Variants in DNAI3 observed in about 807,000 individuals in gnomAD.
DNAI3 encodes WD repeat domain 63.
Under a neutral mutation model 115.5 loss-of-function variants are expected in DNAI3, and 83 were observed. The observed-to-expected ratio is 0.72, with a 90% confidence interval of 0.60 to 0.86. The LOEUF (loss-of-function observed/expected upper bound fraction) is 0.86, where lower values mean the gene tolerates loss of function less well. DNAI3 is among the 40% of genes least tolerant of loss of function. The pLI, the probability that DNAI3 is intolerant of heterozygous loss-of-function variation, is 0.00. For synonymous variants in DNAI3, 320 were observed against 347.0 expected, an observed-to-expected ratio of 0.92 and a Z score of 0.86; for missense variants, 1,004 against 1,075.8, an observed-to-expected ratio of 0.93 and a Z score of 0.93.
chr1:85,097,374 A>G (rs1655154845), intron 11 of DNAI3, among the ~76,000 whole-genome samples, 195 bp from the exon 12 acceptor site: 1 of 152,222 alleles, frequency 6.6e-6, no homozygotes, highest in Non-Finnish European at 1.5e-5. Flanking sequence ...AAAGTGCTAA[A>G]GATACTTTTA....
Position 85,108,067 on chromosome 1 carries a change from C to G in DNAI3, c.1588C>G (p.Pro530Ala). 6.2e-7 allele frequency: 1 copy of G among 1,606,662 alleles called. No homozygotes were observed. Among genetic ancestry groups the G allele is most frequent in the Non-Finnish European group, 8.5e-7 (1 of 1,177,138 alleles). Residue 530 changes from proline to alanine, a missense_variant, in exon 15 of 23, where the codon CCT becomes GCT. Physicochemically the swap from Pro to Ala is conservative, Grantham distance 27. Transcript: ENST00000294664. ...ICFWDIRPQKPLTPQTTEKKK... is the reference protein window; with the variant it reads ...ICFWDIRPQKALTPQTTEKKK... ...TTTTTGGGATATTAGACCACAGAAA[C>G]CTTTAACCCCCCAAACAACAGAGAA...
chr1:85,124,990 G>A (rs1272163008), intron 19 of DNAI3, among the ~76,000 whole-genome samples: 1 of 152,184 alleles, frequency 6.6e-6, no homozygotes, highest in Non-Finnish European at 1.5e-5. Context: ...TATGTCAGCA[G>A]GCAGACCCTT....
At chr1:85,104,643 G>A in intron 14 of DNAI3, 46 bp downstream of exon 14, 1 of 1,544,378 alleles carries the variant, frequency 6.5e-7, no homozygotes, top group Middle Eastern at 1.7e-4. Flanking sequence ...CATACATGGT[G>A]TTTTTTCTTC....
intron 7 of DNAI3, among the ~76,000 whole-genome samples, chr1:85,086,299 G>A (rs1654799477): frequency 6.6e-6 from 1 of 152,154 alleles, no homozygotes; most frequent in Admixed American, 6.6e-5. Context: ...GACAGTGCTG[G>A]TCATCTCTCA....
intron 8 of DNAI3, among the ~76,000 whole-genome samples, chr1:85,092,347 G>A (rs1377543804): frequency 1.3e-5 from 2 of 152,078 alleles, no homozygotes; most frequent in Non-Finnish European, 2.9e-5. Context: ...TTATATTTTA[G>A]GAGTATCTGT....
intron 1 of DNAI3, among the ~76,000 whole-genome samples, chr1:85,063,050 C>T (rs865808399): frequency 3.3e-5 from 5 of 152,144 alleles, no homozygotes; most frequent in South Asian, 2.1e-4. Flanking sequence ...CTAATTGCTG[C>T]GCAATACTTT....
intron 1 of DNAI3, among the ~76,000 whole-genome samples, chr1:85,071,219 C>A (rs1654263067): frequency 6.6e-6 from 1 of 152,176 alleles, no homozygotes; most frequent in Non-Finnish European, 1.5e-5. Flanking sequence ...GAAGTAGAGC[C>A]TGTTTAAAAA....
chr1:85,087,434 CAAAAAAAAAAAAA>C (rs1162431713), intron 7 of DNAI3, among the ~76,000 whole-genome samples: 3 of 46,654 alleles, frequency 6.4e-5, no homozygotes, highest in African/African-American at 8.6e-5. Flanking sequence ...GACTCCATCT[CAAAAAAAAAAAAA>C]AAAAAAAAAA....
chr1:85,123,691 T>G (rs1656050984), intron 18 of DNAI3, among the ~76,000 whole-genome samples: 1 of 152,246 alleles, frequency 6.6e-6, no homozygotes. Context: ...TCACAATTTT[T>G]ACATTGTATA....
chr1:85,125,364 T>C (rs1656102072), intron 19 of DNAI3, among the ~76,000 whole-genome samples: 1 of 152,038 alleles, frequency 6.6e-6, no homozygotes, highest in African/African-American at 2.4e-5. Flanking sequence ...TTGGTATACA[T>C]ATATACATAT....
In DNAI3 at chr1:85,093,580, C is replaced by T. The variant is rs1655043186; in HGVS notation, c.980C>T (p.Ser327Phe). 6.2e-7 allele frequency: 1 copy of T among 1,614,052 alleles called. No homozygotes were observed. Among genetic ancestry groups the T allele is most frequent in the Non-Finnish European group, 8.5e-7 (1 of 1,180,030 alleles). ...KTDTHLKEYQ[S>F]FTDLHSPTEK... The stretch of plus-strand genomic sequence containing the variant: ...GATACCCACCTGAAAGAGTACCAGT[C>T]CTTTACCGACCTTCATAGCCCAACG... The change falls in exon 9 of 23, where the codon TCC (serine) becomes TTC (phenylalanine). Residue 327 changes from serine (S) to phenylalanine (F), a missense_variant. Transcript: ENST00000294664.
intron 13 of DNAI3, chr1:85,099,314 A>G: frequency 1.0e-6 from 1 of 979,818 alleles, no homozygotes; most frequent in Non-Finnish European, 1.2e-6. Flanking sequence ...TGAGAAAATC[A>G]CAAGCATTCT....
chr1:85,066,409 G>A (rs946052499), intron 1 of DNAI3, among the ~76,000 whole-genome samples: 14 of 131,470 alleles, frequency 1.1e-4, no homozygotes, highest in African/African-American at 3.4e-4. Context: ...TGCAAGCTCC[G>A]TCTGCCTCCT....
At chr1:85,104,845 T>C (rs975571374) in intron 14 of DNAI3, among the ~76,000 whole-genome samples, 24 of 143,752 alleles carry the variant, frequency 1.7e-4, no homozygotes, top group Admixed American at 7.7e-4. Context: ...ATAGTTCTTC[T>C]TCACATTCTC....
intron 22 of DNAI3, among the ~76,000 whole-genome samples, chr1:85,132,501 A>G (rs1203446464): frequency 6.6e-6 from 1 of 152,232 alleles, no homozygotes; most frequent in Non-Finnish European, 1.5e-5. Flanking sequence ...TCCACAAGCT[A>G]TGCCATCCAT....
At chr1:85,122,977 G>A (rs1656032534) in intron 18 of DNAI3, among the ~76,000 whole-genome samples, 1 of 152,174 alleles carries the variant, frequency 6.6e-6, no homozygotes, top group African/African-American at 2.4e-5. Context: ...GGGACCTGGG[G>A]CAGAGGCTAA....
chr1:85,109,933 A>G (rs1030830790), intron 15 of DNAI3, 115 bp from the exon 16 acceptor site: 4 of 946,020 alleles, frequency 4.2e-6, no homozygotes, highest in Non-Finnish European at 6.4e-6. Flanking sequence ...AAGGAAGAAA[A>G]AAAAGGAGGT....
intron 3 of DNAI3, among the ~76,000 whole-genome samples, chr1:85,073,827 G>A (rs1439743151): frequency 6.6e-6 from 1 of 152,214 alleles, no homozygotes; most frequent in African/African-American, 2.4e-5. Context: ...AAGGACTGAA[G>A]CAGAGAGACT....
Position 85,108,187 on chromosome 1 carries a change from G to A in DNAI3, c.1698+10G>A. ...GAAACCTCTCACTAAGGTAAGTAAT[G>A]TGGGGTTTTTAGTCCATCCTGCTTG... On this transcript the variant is annotated intron_variant, in intron 15 of 22. Coordinates refer to ENST00000294664, the MANE Select transcript of DNAI3 (RefSeq NM_145172.5). 1 of 1,578,582 alleles carries A rather than the reference G, an allele frequency of 6.3e-7. No individual in the cohort carries two copies. The highest frequency in any genetic ancestry group is 1.9e-5 in the Admixed American group (1 of 51,784).
Sources: allele counts gnomAD v4.1 joint callset (sites outside exome capture counted in the v4.1 genomes callset), GRCh38; gene constraint gnomAD v4.1.1; transcripts MANE v1.5; gene names NCBI Gene and HGNC (gene_info 2026-07-23, HGNC 2026-07-21).